The following FLT3 variants were observed in gnomAD, a reference collection of about 807,000 sequenced individuals.
FLT3 encodes the protein fms related receptor tyrosine kinase 3, also known as receptor-type tyrosine-protein kinase FLT3.
Under a neutral mutation model 126.6 loss-of-function variants are expected in FLT3, and 46 were observed. The observed-to-expected ratio is 0.36, with a 90% CI of 0.29 to 0.46. The LOEUF is 0.46. Among genes scored for constraint, FLT3 ranks in the 20% least tolerant of loss-of-function variants. The pLI, the probability that FLT3 is intolerant of heterozygous loss-of-function variation, is 1.00. For synonymous variants in FLT3, 404 were observed against 434.4 expected, an observed-to-expected ratio of 0.93 and a Z score of 0.87; for missense variants, 1,069 against 1,190.3, an observed-to-expected ratio of 0.90 and a Z score of 1.50.
intron 1 of FLT3, among the ~76,000 whole-genome samples, chr13:28,083,727 AT>A (rs562553039): frequency 1.0e-3 from 159 of 151,904 alleles, no homozygotes; most frequent in African/African-American, 3.5e-3. Context: ...TGTGTCTTTT[AT>A]TTTTTTTCTG....
intron 23 of FLT3, among the ~76,000 whole-genome samples, chr13:28,011,398 AG>A (rs908719210): frequency 9.9e-5 from 15 of 151,914 alleles, no homozygotes; most frequent in African/African-American, 3.4e-4. Flanking sequence ...CAGATATAAC[AG>A]GGAAGATCAC....
intron 23 of FLT3, among the ~76,000 whole-genome samples, chr13:28,010,612 G>A (rs1871270297): frequency 6.6e-6 from 1 of 152,166 alleles, no homozygotes; most frequent in Non-Finnish European, 1.5e-5. Flanking sequence ...TGGTGTTGAG[G>A]TTAGACATAA....
chr13:28,011,594 C>T lies in FLT3; in HGVS notation c.2859+2858G>A, dbSNP rs1395968140. Among the ~76,000 whole-genome samples, 3 of 150,982 alleles carry T rather than the reference C, an allele frequency of 2.0e-5. No homozygotes were observed. In the South Asian group the frequency reaches 6.3e-4, roughly 32 times the overall value. On this transcript the variant is annotated intron_variant, in intron 23 of 23. Coordinates refer to ENST00000241453, the MANE Select transcript of FLT3 (RefSeq NM_004119.3). ...TCCTTCAGACTGGCTTAGACTGAGG[C>T]AGGCTGCATGAGCCCTAAGTAAGGG...
In FLT3 at chr13:28,049,316, C is replaced by T. The variant is rs541029901; in HGVS notation, c.1036+68G>A. ...TATATTGAAATCAGAATTTGTACCA[C>T]ATACTTCACATTCCACACTACAGCG... On this transcript the variant is annotated intron_variant, in intron 8 of 23. Coordinates refer to ENST00000241453, the MANE Select transcript of FLT3 (RefSeq NM_004119.3). The T allele has an allele frequency of 7.5e-5, 102 of 1,368,910 alleles. No homozygotes were observed. In the African/African-American group the frequency reaches 1.3e-3, roughly 18 times the overall value. 84.8% of individuals were successfully genotyped at this position (1,368,910 alleles called of 1,614,324 possible).
chr13:28,018,399 T>C, intron 20 of FLT3, 68 bp downstream of exon 20: 1 of 1,577,210 alleles, frequency 6.3e-7, no homozygotes, highest in Non-Finnish European at 8.7e-7. Context: ...GTGAGTGCAG[T>C]TGTTTACCAT....
At chr13:28,015,839 G>A (rs1451980238) in intron 20 of FLT3, 138 bp from the exon 21 acceptor site, 7 of 621,090 alleles carry the variant, frequency 1.1e-5, no homozygotes, top group Admixed American at 3.0e-5. Flanking sequence ...CATTCCTCAC[G>A]TGAAAGGTTT....
intron 15 of FLT3, among the ~76,000 whole-genome samples, chr13:28,029,562 G>A (rs1417413201): frequency 1.3e-5 from 2 of 152,178 alleles, no homozygotes; most frequent in Non-Finnish European, 2.9e-5. Context: ...CTCAGTACAA[G>A]TTAACAGAAG....
intron 10 of FLT3, among the ~76,000 whole-genome samples, 187 bp from the exon 11 acceptor site, chr13:28,036,230 A>T (rs1873829056): frequency 6.6e-6 from 1 of 152,212 alleles, no homozygotes; most frequent in Non-Finnish European, 1.5e-5. Flanking sequence ...GGAGTATGGT[A>T]CTTTCTGGAA....
intron 3 of FLT3, among the ~76,000 whole-genome samples, chr13:28,058,304 C>G (rs567119036): frequency 6.6e-6 from 1 of 150,838 alleles, no homozygotes; most frequent in Non-Finnish European, 1.5e-5. Flanking sequence ...CACCTGAGGT[C>G]GGGAATTCAA....
intron 16 of FLT3, 85 bp downstream of exon 16, chr13:28,028,092 AG>A (rs869199005): frequency 3.7e-4 from 61 of 164,180 alleles, no homozygotes; most frequent in South Asian, 2.3e-3. Flanking sequence ...AATTAAAAAG[AG>A]AGAGAGAGAG....
intron 11 of FLT3, 116 bp downstream of exon 11, chr13:28,035,819 G>GA: frequency 8.3e-7 from 1 of 1,202,382 alleles, no homozygotes; most frequent in Non-Finnish European, 1.2e-6. Context: ...GGTTGATTGA[G>GA]AAGGTTAGCA....
In FLT3 at chr13:28,040,698, G is replaced by C. The variant is rs574669540; in HGVS notation, c.1206-3410C>G. On this transcript the variant is annotated intron_variant, in intron 9 of 23. Transcript: ENST00000241453. Reference sequence around the variant, plus strand: ...TCTGACCTATCAAAAGTTTCAGGCAGTTAAAAGTTGACCTTTGGGTGCGTG... The same window carrying C: ...TCTGACCTATCAAAAGTTTCAGGCACTTAAAAGTTGACCTTTGGGTGCGTG... 2.6e-5 allele frequency among the ~76,000 whole-genome samples: 4 copies of C among 152,296 alleles called. No individual in the cohort carries two copies. The East Asian group carries it at 7.7e-4, about 29-fold the overall frequency.
At chr13:28,076,941 A>T (rs9581978) in intron 1 of FLT3, among the ~76,000 whole-genome samples, 11 of 142,940 alleles carry the variant, frequency 7.7e-5, no homozygotes, top group African/African-American at 2.6e-4. Context: ...GTGACAGAGC[A>T]AGAGGGAAGG....
chr13:28,008,289 AAAAAAAAAGG>A (rs1480811513), intron 23 of FLT3, among the ~76,000 whole-genome samples: 2 of 151,222 alleles, frequency 1.3e-5, no homozygotes, highest in African/African-American at 4.9e-5. Flanking sequence ...AAAAAAAAAA[AAAAAAAAAGG>A]AAAAAAAGGT....
At chr13:28,075,682 G>T (rs577791156) in intron 1 of FLT3, among the ~76,000 whole-genome samples, 1 of 151,042 alleles carries the variant, frequency 6.6e-6, no homozygotes, top group East Asian at 1.9e-4. Flanking sequence ...CAGGGATCAC[G>T]CCATTGCACT....
chr13:28,076,134 A>C (rs1215416969), intron 1 of FLT3, among the ~76,000 whole-genome samples: 4 of 152,180 alleles, frequency 2.6e-5, no homozygotes, highest in African/African-American at 2.4e-5. Flanking sequence ...GCATTTTTAA[A>C]ATATGAGCAT....
Position 28,061,868 on chromosome 13 carries a change from T to C in FLT3, c.367A>G (p.Arg123Gly). The C allele has an allele frequency of 6.2e-7, 1 of 1,611,856 alleles. No individual in the cohort carries two copies. The change falls in exon 3 of 24, where the codon AGA becomes GGA. Residue 123 changes from arginine (R) to glycine (G), a missense_variant and splice_region_variant. Coordinates refer to ENST00000241453, the MANE Select transcript of FLT3 (RefSeq NM_004119.3). The stretch of plus-strand genomic sequence containing the variant: ...TCAAGAAGGTATTCCTCCACTTACC[T>C]GTTTTGTAAATCAAAATGTGGCTGG... ...NCQPHFDLQN[R>G]GVVSMVILKM... is the part of the protein sequence containing the mutation.
chr13:28,088,366 C>A (rs568023724), intron 1 of FLT3, among the ~76,000 whole-genome samples: 26 of 152,136 alleles, frequency 1.7e-4, no homozygotes, highest in African/African-American at 6.0e-4. Context: ...CAGCTCACTG[C>A]AACCTCCACC....
intron 4 of FLT3, among the ~76,000 whole-genome samples, chr13:28,056,499 C>G (rs1300375260): frequency 6.6e-6 from 1 of 152,216 alleles, no homozygotes; most frequent in Non-Finnish European, 1.5e-5. Flanking sequence ...ATGCAGACAC[C>G]TTTAGTCCTT....
Sources: gnomAD v4.1 joint callset for allele counts (sites outside exome capture counted in the v4.1 genomes callset) on GRCh38, gnomAD v4.1.1 for gene constraint, MANE v1.5 for transcripts, NCBI Gene and HGNC (gene_info 2026-07-23, HGNC 2026-07-21) for gene names.